SGCD: variants seen among roughly 807,000 people sequenced by gnomAD.
SGCD encodes delta-sarcoglycan.
In SGCD, 18 loss-of-function variants were observed where a neutral mutation model predicts 36.6. That is an observed-to-expected ratio of 0.49 (90% CI 0.34 to 0.73). The LOEUF (loss-of-function observed/expected upper bound fraction) is 0.73. SGCD is among the 30% of genes least tolerant of loss of function. The pLI, the probability that SGCD is intolerant of heterozygous loss-of-function variation, is 0.01. For synonymous variants in SGCD, 133 were observed against 130.6 expected (o/e 1.02, Z -0.12); for missense variants, 387 against 346.7 (o/e 1.12, Z -0.92).
intron 7 of SGCD, among the ~76,000 whole-genome samples, chr5:156,711,199 G>T (rs558171296): frequency 1.3e-5 from 2 of 152,036 alleles, no homozygotes; most frequent in African/African-American, 2.4e-5. Flanking sequence ...TTGGTCAAGA[G>T]GGGGGGTCCA....
chr5:156,302,002 A>T (rs1353051955), intron 3 of SGCD, among the ~76,000 whole-genome samples: 2 of 151,978 alleles, frequency 1.3e-5, no homozygotes, highest in East Asian at 3.9e-4. Context: ...TTTGGGTTAA[A>T]CCTGCTTGAT....
intron 4 of SGCD, among the ~76,000 whole-genome samples, chr5:156,532,856 C>T (rs1757943190): frequency 6.6e-6 from 1 of 152,084 alleles, no homozygotes; most frequent in African/African-American, 2.4e-5. Context: ...CGTGAGCCAC[C>T]AAGTCTGCCT....
intron 3 of SGCD, among the ~76,000 whole-genome samples, chr5:156,320,241 G>A (rs2127696002): frequency 6.6e-6 from 1 of 152,144 alleles, no homozygotes; most frequent in South Asian, 2.1e-4. Context: ...GCACCCATCA[G>A]TTGTGTCTTG....
intron 3 of SGCD, among the ~76,000 whole-genome samples, chr5:156,269,118 A>G (rs906551067): frequency 3.9e-5 from 6 of 152,054 alleles, no homozygotes; most frequent in African/African-American, 1.4e-4. Context: ...CACTTCTTAC[A>G]TGGCAACAGC....
At chr5:156,106,870 T>C (rs1275639868) in intron 1 of SGCD, among the ~76,000 whole-genome samples, 2 of 152,222 alleles carry the variant, frequency 1.3e-5, no homozygotes, top group Non-Finnish European at 2.9e-5. Context: ...TCTCTAGTGA[T>C]GCATTATTTT....
intron 2 of SGCD, among the ~76,000 whole-genome samples, chr5:156,342,185 A>G (rs530760647): frequency 3.0e-3 from 456 of 152,342 alleles, no homozygotes; most frequent in African/African-American, 0.011. Flanking sequence ...TTTATTGAAC[A>G]TGTCATTTCC....
chr5:156,540,269 G>C (rs147084896), intron 4 of SGCD, among the ~76,000 whole-genome samples: 3 of 152,140 alleles, frequency 2.0e-5, no homozygotes, highest in Admixed American at 6.6e-5. Flanking sequence ...GCTCCCCTAC[G>C]TACCAAAGTG....
upstream of SGCD, among the ~76,000 whole-genome samples, chr5:155,866,900 T>C (rs1166818716): frequency 1.3e-5 from 2 of 152,124 alleles, no homozygotes; most frequent in Admixed American, 6.6e-5. Flanking sequence ...TTGGAGAAAG[T>C]GTAAACTTGA....
chr5:155,972,004 C>T (rs1758015583), intron 1 of SGCD, among the ~76,000 whole-genome samples: 1 of 152,070 alleles, frequency 6.6e-6, no homozygotes, highest in African/African-American at 2.4e-5. Flanking sequence ...ATGACTGCCC[C>T]AAGTTCCCTC....
chr5:156,056,735 G>A (rs1408294164), intron 1 of SGCD, among the ~76,000 whole-genome samples: 3 of 143,550 alleles, frequency 2.1e-5, no homozygotes, highest in East Asian at 2.0e-4. Context: ...CCAGCTGAGC[G>A]TGAATTAAAC....
At chr5:156,069,596 T>A (rs1343251396) in intron 1 of SGCD, among the ~76,000 whole-genome samples, 1 of 152,102 alleles carries the variant, frequency 6.6e-6, no homozygotes, top group Non-Finnish European at 1.5e-5. Context: ...AGGATTGACT[T>A]GGCAATGCGG....
intron 3 of SGCD, among the ~76,000 whole-genome samples, chr5:156,203,000 A>G (rs1764188117): frequency 1.3e-5 from 2 of 152,116 alleles, no homozygotes; most frequent in African/African-American, 2.4e-5. Context: ...TAAAGCTTTG[A>G]TATACTTACA....
intron 1 of SGCD, among the ~76,000 whole-genome samples, chr5:156,069,183 C>A (rs1180125852): frequency 1.3e-5 from 2 of 152,074 alleles, no homozygotes; most frequent in African/African-American, 2.4e-5. Context: ...GTGTTTTAGA[C>A]ATAAAGTCCT....
At chr5:156,370,980 G>GA (rs927187850) in intron 3 of SGCD, among the ~76,000 whole-genome samples, 7 of 149,254 alleles carry the variant, frequency 4.7e-5, no homozygotes, top group Admixed American at 6.7e-5. Context: ...CTGGAAGGGG[G>GA]AAAAAAAAAC....
chr5:156,243,526 C>T (rs1158278371), intron 3 of SGCD, among the ~76,000 whole-genome samples: 4 of 151,978 alleles, frequency 2.6e-5, no homozygotes, highest in African/African-American at 9.7e-5. Flanking sequence ...GGAAGCAATA[C>T]TATAAATTTG....
chr5:155,823,895 G>A, the SGCD span, among the ~76,000 whole-genome samples: 77 of 152,252 alleles, frequency 5.1e-4, no homozygotes, highest in Middle Eastern at 3.4e-3. Flanking sequence ...TGATGTTCTT[G>A]TTCTAATCCC....
At chr5:156,253,613 C>A (rs1765639025) in intron 3 of SGCD, among the ~76,000 whole-genome samples, 1 of 152,154 alleles carries the variant, frequency 6.6e-6, no homozygotes, top group Non-Finnish European at 1.5e-5. Context: ...ATACTTATTT[C>A]AAGAACCTAT....
chr5:155,780,559 T>C, the SGCD span, among the ~76,000 whole-genome samples: 8 of 152,150 alleles, frequency 5.3e-5, no homozygotes, highest in African/African-American at 1.7e-4. Flanking sequence ...ATTACTTGTC[T>C]TGCTGCTCTT....
intron 3 of SGCD, among the ~76,000 whole-genome samples, chr5:156,470,092 G>A (rs1251489086): frequency 6.6e-6 from 1 of 152,152 alleles, no homozygotes; most frequent in Non-Finnish European, 1.5e-5. Flanking sequence ...AGGGCCTTGG[G>A]AAAATAAGTT....
Sources: allele counts gnomAD v4.1 joint callset (sites outside exome capture counted in the v4.1 genomes callset), GRCh38; gene constraint gnomAD v4.1.1; transcripts MANE v1.5; gene names NCBI Gene and HGNC (gene_info 2026-07-23, HGNC 2026-07-21).